EEPD1: variants seen among roughly 807,000 people sequenced by gnomAD.
EEPD1 encodes endonuclease/exonuclease/phosphatase family domain containing 1.
Under a neutral mutation model 46.3 loss-of-function variants are expected in EEPD1, and 17 were observed. The observed-to-expected ratio is 0.37, with a 90% CI of 0.25 to 0.55. The LOEUF (loss-of-function observed/expected upper bound fraction) is 0.55. Ranked by LOEUF, EEPD1 falls within the 20% of genes least tolerant of loss-of-function variation. The probability of loss-of-function intolerance (pLI) is 0.83; values close to 1 mark genes in which losing one functional copy is unlikely to be tolerated. For missense variants in EEPD1, 673 were observed against 745.6 expected (o/e 0.90, Z 1.13); for synonymous variants, 313 against 315.6 (o/e 0.99, Z 0.09).
chr7:36,279,550 G>A (rs762399908), intron 3 of EEPD1, among the ~76,000 whole-genome samples: 2 of 152,234 alleles, frequency 1.3e-5, no homozygotes, highest in Non-Finnish European at 2.9e-5. Flanking sequence ...ACCATTGTAT[G>A]TGGGCTGCCC....
intron 2 of EEPD1, among the ~76,000 whole-genome samples, chr7:36,183,229 C>T (rs557315608): frequency 2.6e-5 from 4 of 152,318 alleles, no homozygotes; most frequent in South Asian, 2.1e-4. Flanking sequence ...ATGTTCTCCA[C>T]GAGAACCAAA....
chr7:36,240,226 G>A (rs1346079345), intron 3 of EEPD1, among the ~76,000 whole-genome samples: 2 of 152,198 alleles, frequency 1.3e-5, no homozygotes, highest in Non-Finnish European at 2.9e-5. Flanking sequence ...CCAAGATCAT[G>A]CCACTGCACT....
chr7:36,208,223 C>G (rs1056103067), intron 2 of EEPD1, among the ~76,000 whole-genome samples: 1 of 152,086 alleles, frequency 6.6e-6, no homozygotes, highest in Non-Finnish European at 1.5e-5. Context: ...GGTAGGCAGG[C>G]TTACTGGGGC....
intron 2 of EEPD1, among the ~76,000 whole-genome samples, chr7:36,233,515 C>T (rs1786374032): frequency 6.6e-6 from 1 of 152,240 alleles, no homozygotes. Flanking sequence ...TAATTATGAG[C>T]AAGAATGTCT....
At chr7:36,181,399 C>G (rs963956107) in intron 2 of EEPD1, among the ~76,000 whole-genome samples, 3 of 152,208 alleles carry the variant, frequency 2.0e-5, no homozygotes, top group Non-Finnish European at 4.4e-5. Flanking sequence ...AGCTGTGGAA[C>G]TCAATGCCCA....
chr7:36,244,861 A>G (rs1390629073), intron 3 of EEPD1, among the ~76,000 whole-genome samples: 1 of 138,102 alleles, frequency 7.2e-6, no homozygotes, highest in East Asian at 2.1e-4. Context: ...CAACCTCCGC[A>G]TCCTGAGTTC....
At chr7:36,236,740 A>G (rs754997090) in intron 2 of EEPD1, among the ~76,000 whole-genome samples, 2 of 152,180 alleles carry the variant, frequency 1.3e-5, no homozygotes, top group African/African-American at 2.4e-5. Context: ...AAGGATTGTA[A>G]ACACACCAAT....
chr7:36,183,013 C>CCAGCCTG (rs1317269278), intron 2 of EEPD1, among the ~76,000 whole-genome samples: 1 of 151,502 alleles, frequency 6.6e-6, no homozygotes, highest in East Asian at 1.9e-4. Context: ...GTGAGCAGGG[C>CCAGCCTG]CAGCCTGGGT....
At chr7:36,157,825 G>A (rs1784848427) in intron 2 of EEPD1, among the ~76,000 whole-genome samples, 1 of 152,172 alleles carries the variant, frequency 6.6e-6, no homozygotes, top group South Asian at 2.1e-4. Context: ...CTGTCACAGA[G>A]TAGATCTCGT....
rs190078777 is a variant in EEPD1, at chr7:36,222,065, A to G, written c.879-16920A>G. 4.7e-4 allele frequency among the ~76,000 whole-genome samples: 72 copies of G among 151,932 alleles called. No homozygotes were observed. The South Asian group carries it at 6.7e-3, about 14-fold the overall frequency. ...ATTCAGGATCGTTAACCCTTGAACA[A>G]CATGGGGGTTAGGGGAGCCAACCCG... is the stretch of plus-strand genomic sequence containing the variant. On this transcript the variant is annotated intron_variant, in intron 2 of 7. Coordinates refer to ENST00000242108, the MANE Select transcript of EEPD1 (RefSeq NM_030636.3).
At chr7:36,246,952 C>A (rs1459908322) in intron 3 of EEPD1, among the ~76,000 whole-genome samples, 1 of 151,856 alleles carries the variant, frequency 6.6e-6, no homozygotes, top group African/African-American at 2.4e-5. Flanking sequence ...ATGGTGAAAC[C>A]CCATCTCTAC....
intron 3 of EEPD1, among the ~76,000 whole-genome samples, chr7:36,263,237 C>T (rs908255388): frequency 2.0e-5 from 3 of 152,022 alleles, no homozygotes; most frequent in South Asian, 2.1e-4. Flanking sequence ...GAGGCTGAGG[C>T]GTGAGTATTG....
At chr7:36,192,613 G>A (rs1225489487) in intron 2 of EEPD1, among the ~76,000 whole-genome samples, 5 of 152,268 alleles carry the variant, frequency 3.3e-5, no homozygotes, top group South Asian at 2.1e-4. Flanking sequence ...AACTCAAGTC[G>A]CAGAAATTTA....
intron 3 of EEPD1, among the ~76,000 whole-genome samples, chr7:36,270,356 C>A (rs186963339): frequency 2.0e-4 from 31 of 152,114 alleles, no homozygotes; most frequent in African/African-American, 7.2e-4. Context: ...ATGTGCAGAA[C>A]GTGCAGGTTT....
intron 3 of EEPD1, among the ~76,000 whole-genome samples, chr7:36,261,502 G>A (rs1415583724): frequency 6.6e-6 from 1 of 152,220 alleles, no homozygotes; most frequent in African/African-American, 2.4e-5. Context: ...GACGACAGGA[G>A]TTACATGCAA....
At chr7:36,273,331 A>G (rs150568600) in intron 3 of EEPD1, among the ~76,000 whole-genome samples, 2 of 152,158 alleles carry the variant, frequency 1.3e-5, no homozygotes, top group African/African-American at 4.8e-5. Flanking sequence ...TATCCTTGGT[A>G]CTTAGTAAAT....
intron 3 of EEPD1, among the ~76,000 whole-genome samples, chr7:36,263,276 G>A (rs1786960598): frequency 6.6e-6 from 1 of 152,158 alleles, no homozygotes; most frequent in Admixed American, 6.5e-5. Context: ...AGGCTGCAGT[G>A]GGCTGTGATT....
At chr7:36,181,186 C>T (rs535828214) in intron 2 of EEPD1, among the ~76,000 whole-genome samples, 44 of 152,258 alleles carry the variant, frequency 2.9e-4, no homozygotes, top group Non-Finnish European at 5.4e-4. Flanking sequence ...CCTATCCACG[C>T]GCTGTCTACA....
intron 3 of EEPD1, among the ~76,000 whole-genome samples, chr7:36,268,698 G>A (rs1269894177): frequency 6.6e-6 from 1 of 152,162 alleles, no homozygotes. Flanking sequence ...CTGTCTCTCT[G>A]TAGTCTAGGC....
Sources: gnomAD v4.1 joint callset for allele counts (sites outside exome capture counted in the v4.1 genomes callset) on GRCh38, gnomAD v4.1.1 for gene constraint, MANE v1.5 for transcripts, NCBI Gene and HGNC (gene_info 2026-07-23, HGNC 2026-07-21) for gene names.